The following IGFBP7 variants were observed in gnomAD, a reference collection of about 807,000 sequenced individuals.
The protein encoded by IGFBP7 is insulin like growth factor binding protein 7.
In IGFBP7, 31 loss-of-function variants were observed where a neutral mutation model predicts 29.4. The observed-to-expected ratio is 1.05, with a 90% CI of 0.79 to 1.42. The LOEUF (loss-of-function observed/expected upper bound fraction) is 1.42, where lower values mean the gene tolerates loss of function less well. Ranked by LOEUF, IGFBP7 falls within the 40% of genes most tolerant of loss-of-function variation. The probability of loss-of-function intolerance (pLI) is 0.00; values close to 1 mark genes in which losing one functional copy is unlikely to be tolerated. For missense variants in IGFBP7, 393 were observed against 395.5 expected (o/e 0.99, Z 0.05); for synonymous variants, 172 against 174.9 (o/e 0.98, Z 0.13).
intron 1 of IGFBP7, among the ~76,000 whole-genome samples, chr4:57,064,999 G>A (rs1724884080): frequency 6.6e-6 from 1 of 152,272 alleles, no homozygotes; most frequent in African/African-American, 2.4e-5. Context: ...AGTTGTGGGA[G>A]TATTTCCAAT....
In IGFBP7 at chr4:57,031,180, G is replaced by T; in HGVS notation, c.*137C>A. ...AGTCTTGATGTGTGATCTTTATTTT[G>T]TATTTCTCTGTGTAAAACCAGTGAA... On this transcript the variant is annotated 3_prime_UTR_variant, in exon 5 of 5. Transcript: ENST00000295666. 2 of 809,780 alleles carry T rather than the reference G, an allele frequency of 2.5e-6. No homozygotes were observed. Among genetic ancestry groups the T allele is most frequent in the Non-Finnish European group, 4.1e-6 (2 of 483,736 alleles). The allele number at this position is 809,780 out of a possible 1,614,324, so 50.2% of individuals were successfully genotyped here.
rs188044655 is a variant in IGFBP7, at chr4:57,073,342, C to T, written c.476-32409G>A. Among the ~76,000 whole-genome samples, 495 of 151,828 alleles carry T rather than the reference C, an allele frequency of 3.3e-3. 3 individuals carry two copies. Among genetic ancestry groups the T allele is most frequent in the Non-Finnish European group, 5.0e-3 (343 of 67,956 alleles). ...GGGCATGGTGGTGCAGTTCTGTGAT[C>T]CCAGCACTTTGGGAGGCTGAGAGGG... On this transcript the variant is annotated intron_variant, in intron 1 of 4. Coordinates refer to ENST00000295666, the MANE Select transcript of IGFBP7 (RefSeq NM_001553.3).
chr4:57,094,147 T>C (rs1372942381), intron 1 of IGFBP7, among the ~76,000 whole-genome samples: 2 of 152,144 alleles, frequency 1.3e-5, no homozygotes, highest in African/African-American at 4.8e-5. Context: ...GGGCAGTCTT[T>C]CTCCTGGGGC....
At chr4:57,093,368 T>C (rs1319039770) in intron 1 of IGFBP7, among the ~76,000 whole-genome samples, 4 of 151,924 alleles carry the variant, frequency 2.6e-5, no homozygotes, top group East Asian at 1.9e-4. Flanking sequence ...GGTGTGGTGG[T>C]AGGCACCTGT....
At chr4:57,038,120 T>C (rs2109739970) in intron 2 of IGFBP7, among the ~76,000 whole-genome samples, 1 of 152,316 alleles carries the variant, frequency 6.6e-6, no homozygotes, top group Middle Eastern at 3.4e-3. Context: ...TGTTCCCAGA[T>C]TTTACACAAA....
At chr4:57,041,269 A>G (rs6846900) in intron 1 of IGFBP7, among the ~76,000 whole-genome samples, 4,180 of 152,276 alleles carry the variant, frequency 0.027, 199 homozygotes, top group African/African-American at 0.096. Context: ...TTTTAGTTCC[A>G]AAATGTTCAA....
chr4:57,033,409 C>A, intron 2 of IGFBP7, 98 bp from the exon 3 acceptor site: 3 of 818,382 alleles, frequency 3.7e-6, no homozygotes, highest in Non-Finnish European at 6.6e-6. Context: ...GTATGTCAGA[C>A]TTTCTAACAG....
At chr4:57,090,313 C>T (rs1185859311) in intron 1 of IGFBP7, among the ~76,000 whole-genome samples, 1 of 152,162 alleles carries the variant, frequency 6.6e-6, no homozygotes, top group African/African-American at 2.4e-5. Context: ...GTATTTCCTG[C>T]TTTCTTGTCA....
At position 57,081,911 on chromosome 4, in the gene IGFBP7, C is replaced by T. The variant is rs565964334; in HGVS notation, c.475+27966G>A. Among the ~76,000 whole-genome samples the T allele has an allele frequency of 2.6e-5, 4 of 152,220 alleles. No individual in the cohort carries two copies. The East Asian group carries it at 5.8e-4, about 22-fold the overall frequency. ...TCACCCTGCCTTCCTGGTCCTTTGA[C>T]GTTGATAACTTAGCTTCTACTTGGG... On this transcript the variant is annotated intron_variant, in intron 1 of 4. Transcript: ENST00000295666.
intron 1 of IGFBP7, among the ~76,000 whole-genome samples, chr4:57,078,510 A>T (rs986979546): frequency 1.3e-5 from 2 of 152,052 alleles, no homozygotes; most frequent in African/African-American, 4.8e-5. Flanking sequence ...AAATGGTAAA[A>T]GATCCACTGT....
At chr4:57,057,677 C>A (rs1267110874) in intron 1 of IGFBP7, among the ~76,000 whole-genome samples, 1 of 152,126 alleles carries the variant, frequency 6.6e-6, no homozygotes, top group East Asian at 1.9e-4. Flanking sequence ...CTCAGGGAGT[C>A]TCTTTAACAA....
In IGFBP7 at chr4:57,110,019, G is replaced by A; in HGVS notation, c.333C>T (p.Cys111=). Residue 111 remains cysteine (C), a synonymous_variant, in exon 1 of 5, where the codon TGC becomes TGT. Transcript: ENST00000295666. ...AAGGPGVSGV[C]VCKSRYPVCG... The stretch of plus-strand genomic sequence containing the variant: ...ACACCGGGTAGCGGCTCTTGCACAC[G>A]CACACGCCGCTTACACCCGGACCGC... 6.4e-7 allele frequency: 1 copy of A among 1,552,576 alleles called. No homozygotes were observed. Among genetic ancestry groups the A allele is most frequent in the East Asian group, 2.4e-5 (1 of 42,000 alleles).
At chr4:57,047,189 A>G (rs1724384134) in intron 1 of IGFBP7, among the ~76,000 whole-genome samples, 1 of 152,204 alleles carries the variant, frequency 6.6e-6, no homozygotes, top group Non-Finnish European at 1.5e-5. Flanking sequence ...TCATGGGGAC[A>G]GGTTTTTCCT....
chr4:57,062,008 C>T (rs1051756322), intron 1 of IGFBP7, among the ~76,000 whole-genome samples: 2 of 151,974 alleles, frequency 1.3e-5, no homozygotes, highest in African/African-American at 4.8e-5. Flanking sequence ...TTTTTCCTAG[C>T]AATCTTGTGA....
intron 1 of IGFBP7, among the ~76,000 whole-genome samples, chr4:57,061,777 C>T (rs1305034643): frequency 6.6e-6 from 1 of 152,172 alleles, no homozygotes; most frequent in Non-Finnish European, 1.5e-5. Flanking sequence ...GACTCCTATA[C>T]TTTACATTAA....
intron 1 of IGFBP7, among the ~76,000 whole-genome samples, chr4:57,042,585 C>A (rs1050740223): frequency 2.0e-5 from 3 of 152,146 alleles, no homozygotes; most frequent in South Asian, 2.1e-4. Flanking sequence ...TGAGCTCAAG[C>A]GATCCCCCCA....
At chr4:57,102,176 C>T (rs1725914353) in intron 1 of IGFBP7, among the ~76,000 whole-genome samples, 1 of 152,142 alleles carries the variant, frequency 6.6e-6, no homozygotes, top group Non-Finnish European at 1.5e-5. Context: ...TCAGTGAAGG[C>T]TAGCTGGCCT....
At chr4:57,040,191 T>A (rs541380009) in intron 2 of IGFBP7, among the ~76,000 whole-genome samples, 1 of 152,258 alleles carries the variant, frequency 6.6e-6, no homozygotes, top group African/African-American at 2.4e-5. Context: ...TACTTCCAAG[T>A]GCCCTTAAAA....
chr4:57,086,464 A>G (rs964776218), intron 1 of IGFBP7, among the ~76,000 whole-genome samples: 2 of 152,146 alleles, frequency 1.3e-5, no homozygotes, highest in South Asian at 2.1e-4. Flanking sequence ...CCTGTTGGCT[A>G]TGTTGAGATT....
Sources: allele counts gnomAD v4.1 joint callset (sites outside exome capture counted in the v4.1 genomes callset), GRCh38; gene constraint gnomAD v4.1.1; transcripts MANE v1.5; gene names NCBI Gene and HGNC (gene_info 2026-07-23, HGNC 2026-07-21).